The following RTF1 variants were observed in gnomAD, a reference collection of about 807,000 sequenced individuals.
The protein encoded by RTF1 is RNA polymerase-associated protein RTF1 homolog.
RTF1 carries 10 observed loss-of-function variants against 95.7 expected under a neutral mutation model. That is an observed-to-expected ratio of 0.10 (90% confidence interval 0.06 to 0.18). RTF1 has a LOEUF of 0.18. Ranked by LOEUF, RTF1 falls within the 10% of genes least tolerant of loss-of-function variation. The pLI is 1.00. For synonymous variants in RTF1, 305 were observed against 311.8 expected (o/e 0.98, Z 0.23); for missense variants, 458 against 875.6 (o/e 0.52, Z 6.02).
At chr15:41,422,868 G>A (rs576504180) in intron 1 of RTF1, among the ~76,000 whole-genome samples, 6 of 152,180 alleles carry the variant, frequency 3.9e-5, no homozygotes, top group African/African-American at 1.4e-4. Flanking sequence ...TCCGCCTCCC[G>A]GGTTCAAACA....
intron 4 of RTF1, among the ~76,000 whole-genome samples, chr15:41,464,389 C>G (rs1030244112): frequency 6.6e-6 from 1 of 151,244 alleles, no homozygotes; most frequent in African/African-American, 2.4e-5. Context: ...GCTGGGACTA[C>G]AAGTGTGCGC....
intron 4 of RTF1, among the ~76,000 whole-genome samples, chr15:41,462,972 C>G (rs980393646): frequency 7.2e-5 from 11 of 152,142 alleles, no homozygotes; most frequent in East Asian, 5.8e-4. Flanking sequence ...CCAGGCTATT[C>G]TTGAACTCCT....
chr15:41,478,628 G>A lies in RTF1; in HGVS notation c.1818+3G>A. The A allele has an allele frequency of 6.2e-7, 1 of 1,612,250 alleles. No individual in the cohort carries two copies. Among genetic ancestry groups the A allele is most frequent in the Non-Finnish European group, 8.5e-7 (1 of 1,178,480 alleles). On this transcript the variant is annotated splice_donor_region_variant and intron_variant, in intron 15 of 17. Coordinates refer to ENST00000389629, the MANE Select transcript of RTF1 (RefSeq NM_015138.5). ...GCAAGCCTACCATCGTTTCTAATGT[G>A]AGTGCTGAAAGAGGACATTTTAGTC...
Position 41,417,327 on chromosome 15 carries a change from G to C in RTF1, c.198+14G>C, listed in dbSNP as rs933928111. On this transcript the variant is annotated intron_variant, in intron 1 of 17. Transcript: ENST00000389629. ...AACCTGGATCAGGTGAGGGCAGGCC[G>C]CGGAGGCGCGGGCCGGCGGAGCCAG... 4 of 1,246,396 alleles carry C rather than the reference G, an allele frequency of 3.2e-6. No homozygotes were observed. The highest frequency in any genetic ancestry group is 3.0e-6 in the Non-Finnish European group (3 of 987,786). The allele number at this position is 1,246,396 out of a possible 1,614,324, so 77.2% of individuals were successfully genotyped here.
intron 9 of RTF1, 124 bp from the exon 10 acceptor site, chr15:41,475,401 G>C: frequency 4.2e-6 from 3 of 717,100 alleles, no homozygotes; most frequent in Admixed American, 2.5e-5. Flanking sequence ...ATTTTATAGG[G>C]TAGCTAGGAT....
chr15:41,419,649 A>G (rs2050590456), intron 1 of RTF1, among the ~76,000 whole-genome samples: 1 of 152,200 alleles, frequency 6.6e-6, no homozygotes. Flanking sequence ...AGCACTCTCA[A>G]GACATCTGTT....
intron 2 of RTF1, among the ~76,000 whole-genome samples, chr15:41,450,740 A>G (rs2140957464): frequency 6.6e-6 from 1 of 152,278 alleles, no homozygotes. Context: ...GTATGAGTCT[A>G]GGAGTCTGAG....
intron 2 of RTF1, among the ~76,000 whole-genome samples, chr15:41,450,800 A>C (rs1265472754): frequency 2.6e-5 from 4 of 151,674 alleles, no homozygotes; most frequent in Non-Finnish European, 5.9e-5. Context: ...AAAATTTAAA[A>C]ATTAGCTGGG....
In RTF1 at chr15:41,417,131, TG is replaced by T; in HGVS notation, c.17del (p.Cys6LeufsTer37). The T allele has an allele frequency of 1.6e-6, 2 of 1,252,528 alleles. No individual in the cohort carries two copies. Among genetic ancestry groups the T allele is most frequent in the Non-Finnish European group, 2.0e-6 (2 of 994,632 alleles). 77.6% of individuals were successfully genotyped at this position (1,252,528 alleles called of 1,614,324 possible). On this transcript the variant is annotated frameshift_variant, in exon 1 of 18. Transcript: ENST00000389629. LOFTEE classifies it high-confidence loss of function. Reference sequence around the variant, plus strand: ...CGGAGCGCGCATGCGCGGTCGCCTTTGTGTGGGTCGAGCAGCGGCGGCGGCG... The same window carrying T: ...CGGAGCGCGCATGCGCGGTCGCCTTTTGTGGGTCGAGCAGCGGCGGCGGCG... MRGRL[C>X]VGRAAAAAAA...
chr15:41,430,600 G>A (rs916373395), intron 1 of RTF1, among the ~76,000 whole-genome samples: 5 of 151,600 alleles, frequency 3.3e-5, no homozygotes, highest in African/African-American at 1.2e-4. Context: ...TATTAGCTGG[G>A]CGTGGTGGTG....
intron 1 of RTF1, among the ~76,000 whole-genome samples, chr15:41,434,218 A>C (rs536584362): frequency 1.3e-5 from 2 of 150,970 alleles, no homozygotes; most frequent in Non-Finnish European, 2.9e-5. Context: ...TTTGGGCTCA[A>C]GCGGTCCTCC....
intron 1 of RTF1, among the ~76,000 whole-genome samples, chr15:41,425,241 A>G (rs945614512): frequency 1.6e-4 from 24 of 151,766 alleles, no homozygotes; most frequent in African/African-American, 5.8e-4. Context: ...AGCTGGGACT[A>G]TAGGCGCCTG....
intron 4 of RTF1, among the ~76,000 whole-genome samples, chr15:41,460,439 G>A (rs1468329251): frequency 6.6e-6 from 1 of 152,030 alleles, no homozygotes; most frequent in African/African-American, 2.4e-5. Context: ...TTTGTTTTGA[G>A]TGTGAATCCT....
intron 1 of RTF1, among the ~76,000 whole-genome samples, chr15:41,429,001 T>C (rs2050654114): frequency 6.6e-6 from 1 of 152,186 alleles, no homozygotes; most frequent in Non-Finnish European, 1.5e-5. Flanking sequence ...CCTCCCAAAG[T>C]GCTGGGATTA....
intron 6 of RTF1, among the ~76,000 whole-genome samples, chr15:41,469,031 C>T (rs531359143): frequency 6.6e-5 from 10 of 151,970 alleles, no homozygotes; most frequent in African/African-American, 1.7e-4. Flanking sequence ...TGCAGTGGCG[C>T]GATCTCGGCT....
chr15:41,430,340 C>CGTG (rs1356361889), intron 1 of RTF1, among the ~76,000 whole-genome samples: 1 of 151,750 alleles, frequency 6.6e-6, no homozygotes, highest in African/African-American at 2.4e-5. Flanking sequence ...ACTACAGGCG[C>CGTG]GTGGCACCAC....
chr15:41,442,292 C>T (rs376545769), intron 2 of RTF1, among the ~76,000 whole-genome samples: 5 of 151,704 alleles, frequency 3.3e-5, no homozygotes, highest in Admixed American at 1.3e-4. Context: ...CTCAGCCTCC[C>T]GAGCAGCTGG....
intron 2 of RTF1, 36 bp downstream of exon 2, chr15:41,438,467 G>A (rs1231475558): frequency 1.3e-5 from 18 of 1,397,004 alleles, no homozygotes; most frequent in African/African-American, 1.1e-4. Flanking sequence ...GGGACCATTA[G>A]ATAGTTGAGG....
chr15:41,453,461 C>T (rs952938561), intron 3 of RTF1, among the ~76,000 whole-genome samples: 1 of 152,084 alleles, frequency 6.6e-6, no homozygotes, highest in African/African-American at 2.4e-5. Flanking sequence ...TGCAATGGCT[C>T]ATATTTGTAA....
Sources: allele counts gnomAD v4.1 joint callset (sites outside exome capture counted in the v4.1 genomes callset), GRCh38; gene constraint gnomAD v4.1.1; transcripts MANE v1.5; gene names NCBI Gene and HGNC (gene_info 2026-07-23, HGNC 2026-07-21).